WDPCP: variants seen among roughly 807,000 people sequenced by gnomAD.
WDPCP encodes WD repeat containing planar cell polarity effector, also known as WD repeat-containing and planar cell polarity effector protein fritz homolog.
WDPCP carries 71 observed loss-of-function variants against 93.1 expected under a neutral mutation model. That is an observed-to-expected ratio of 0.76 (90% CI 0.63 to 0.93). The LOEUF (loss-of-function observed/expected upper bound fraction) is 0.93, where lower values mean the gene tolerates loss of function less well. Ranked by LOEUF, WDPCP falls within the 40% of genes least tolerant of loss-of-function variation. The pLI, the probability that WDPCP is intolerant of heterozygous loss-of-function variation, is 0.00. For synonymous variants in WDPCP, 315 were observed against 315.0 expected, an observed-to-expected ratio of 1.00 and a Z score of 0.00; for missense variants, 844 against 887.4, an observed-to-expected ratio of 0.95 and a Z score of 0.62.
At chr2:63,160,106 T>C (rs1278312520) in intron 15 of WDPCP, among the ~76,000 whole-genome samples, 1 of 152,178 alleles carries the variant, frequency 6.6e-6, no homozygotes, top group Non-Finnish European at 1.5e-5. Flanking sequence ...TTCTGTATTA[T>C]TTACTTTTCA....
At chr2:63,279,600 T>C (rs1484336719) in intron 13 of WDPCP, among the ~76,000 whole-genome samples, 1 of 152,156 alleles carries the variant, frequency 6.6e-6, no homozygotes, top group Non-Finnish European at 1.5e-5. Flanking sequence ...TTACTGGAAG[T>C]CCTAGTCAGA....
chr2:63,511,186 C>G (rs568376552), intron 1 of WDPCP, among the ~76,000 whole-genome samples: 1 of 152,242 alleles, frequency 6.6e-6, no homozygotes, highest in Non-Finnish European at 1.5e-5. Context: ...ATACAACTTA[C>G]AAGGAATGTG....
chr2:63,148,868 A>T (rs1671708322), intron 17 of WDPCP, among the ~76,000 whole-genome samples: 1 of 150,172 alleles, frequency 6.7e-6, no homozygotes, highest in Admixed American at 6.6e-5. Flanking sequence ...GCCAACACAC[A>T]CACACACACA....
At chr2:63,501,458 C>A (rs1438201502) in intron 1 of WDPCP, among the ~76,000 whole-genome samples, 4 of 152,124 alleles carry the variant, frequency 2.6e-5, no homozygotes, top group Non-Finnish European at 5.9e-5. Context: ...CCTAGCTACT[C>A]AGGAGGCTGA....
intron 17 of WDPCP, 57 bp from the exon 18 acceptor site, chr2:63,122,113 C>T: frequency 1.5e-6 from 2 of 1,349,610 alleles, no homozygotes; most frequent in Non-Finnish European, 1.1e-6. Context: ...ATTGACTTAA[C>T]ATTTGTATCT....
At chr2:63,261,189 G>T (rs201711084) in intron 13 of WDPCP, among the ~76,000 whole-genome samples, 17 of 138,732 alleles carry the variant, frequency 1.2e-4, no homozygotes, top group Non-Finnish European at 1.1e-4. Flanking sequence ...TTTTTTTTCT[G>T]TTTTTTTTTT....
chr2:63,764,440 C>A (rs183648702), intron 2 of WDPCP, among the ~76,000 whole-genome samples: 1 of 152,132 alleles, frequency 6.6e-6, no homozygotes, highest in Admixed American at 6.5e-5. Flanking sequence ...TCTGCATAGG[C>A]CTCTGAGAAA....
chr2:63,313,994 G>A (rs1345171029), intron 12 of WDPCP, among the ~76,000 whole-genome samples: 1 of 148,070 alleles, frequency 6.8e-6, no homozygotes, highest in Non-Finnish European at 1.5e-5. Context: ...TGATTCTCCT[G>A]CCTCAGCCTC....
intron 2 of WDPCP, among the ~76,000 whole-genome samples, chr2:63,800,039 T>G (rs1414439271): frequency 6.6e-6 from 1 of 152,214 alleles, no homozygotes. Flanking sequence ...AAAGTATTGG[T>G]CTATATAACT....
At chr2:63,588,160 T>G (rs1709003131) in intron 1 of WDPCP, 37 bp downstream of exon 1, 13 of 1,551,132 alleles carry the variant, frequency 8.4e-6, no homozygotes, top group Non-Finnish European at 1.1e-5. Flanking sequence ...GATCCTAAGG[T>G]TAAAAGAAAA....
At chr2:63,559,751 T>C (rs1294298519) in intron 1 of WDPCP, among the ~76,000 whole-genome samples, 1 of 152,092 alleles carries the variant, frequency 6.6e-6, no homozygotes, top group East Asian at 1.9e-4. Flanking sequence ...TCTTCAAGGA[T>C]AACTACAATC....
At chr2:63,544,607 T>A (rs1388765672) in intron 1 of WDPCP, among the ~76,000 whole-genome samples, 1 of 152,062 alleles carries the variant, frequency 6.6e-6, no homozygotes, top group South Asian at 2.1e-4. Context: ...GCAAAAGCGA[T>A]AATGGTGTAT....
intron 9 of WDPCP, among the ~76,000 whole-genome samples, chr2:63,412,835 G>A (rs1247785879): frequency 7.9e-5 from 12 of 151,510 alleles, no homozygotes; most frequent in African/African-American, 2.2e-4. Flanking sequence ...AGATCTCTAC[G>A]AGGAAAATTA....
chr2:63,397,050 T>C (rs985577437), intron 10 of WDPCP, among the ~76,000 whole-genome samples: 1 of 152,148 alleles, frequency 6.6e-6, no homozygotes, highest in African/African-American at 2.4e-5. Context: ...ATCACTAGGA[T>C]AGCACTCAGG....
rs1326617403 is a variant in WDPCP at position 63,766,334 on chromosome 2, A to AT, written n.308+47287dup. 4.2e-3 allele frequency among the ~76,000 whole-genome samples: 604 copies of AT among 145,362 alleles called. 2 individuals carry two copies. Among genetic ancestry groups the AT allele is most frequent in the Middle Eastern group, 0.011 (3 of 280 alleles). ...GGAAGTAAATATGCCCAAATATTAAATTTTTTTTTTTTTTAGACAGGATCT... is the reference window on the plus strand; with the variant it reads ...GGAAGTAAATATGCCCAAATATTAAATTTTTTTTTTTTTTTAGACAGGATCT... On this transcript the variant is annotated intron_variant and non_coding_transcript_variant, in intron 2 of 4. Transcript: ENST00000467687.
chr2:63,555,587 A>G (rs1706050029), intron 1 of WDPCP, among the ~76,000 whole-genome samples: 1 of 152,182 alleles, frequency 6.6e-6, no homozygotes, highest in Non-Finnish European at 1.5e-5. Flanking sequence ...ATACAGGAGC[A>G]TTCCCACTGG....
chr2:63,373,686 CT>C, intron 12 of WDPCP, among the ~76,000 whole-genome samples: 1 of 151,842 alleles, frequency 6.6e-6, no homozygotes, highest in African/African-American at 2.4e-5. Flanking sequence ...TATTTTCCAT[CT>C]TTTTTCCCAT....
intron 15 of WDPCP, among the ~76,000 whole-genome samples, chr2:63,171,000 G>T (rs1434706525): frequency 2.6e-5 from 4 of 151,860 alleles, no homozygotes; most frequent in Non-Finnish European, 4.4e-5. Flanking sequence ...AAAAAATACT[G>T]GGGAAACGTG....
intron 6 of WDPCP, among the ~76,000 whole-genome samples, chr2:63,459,442 TA>T (rs2105736437): frequency 6.6e-6 from 1 of 152,102 alleles, no homozygotes; most frequent in Admixed American, 6.5e-5. Flanking sequence ...GACATACATA[TA>T]GACAAGAGGT....
Sources: gnomAD v4.1 joint callset for allele counts (sites outside exome capture counted in the v4.1 genomes callset) on GRCh38, gnomAD v4.1.1 for gene constraint, MANE v1.5 for transcripts, NCBI Gene and HGNC (gene_info 2026-07-23, HGNC 2026-07-21) for gene names.